FHIT: variants seen among roughly 807,000 people sequenced by gnomAD.
FHIT encodes bis(5'-adenosyl)-triphosphatase.
A neutral mutation model predicts 17.9 loss-of-function variants in FHIT; 19 were observed. The observed-to-expected ratio is 1.06, with a 90% CI of 0.74 to 1.56. FHIT has a LOEUF of 1.56. Among genes scored for constraint, FHIT ranks in the 40% most tolerant of loss-of-function variants. The probability of loss-of-function intolerance (pLI) is 0.00; values close to 1 mark genes in which losing one functional copy is unlikely to be tolerated. For missense variants in FHIT, 248 were observed against 189.2 expected (o/e 1.31, Z -1.82); for synonymous variants, 81 against 69.7 (o/e 1.16, Z -0.81).
intron 7 of FHIT, among the ~76,000 whole-genome samples, chr3:59,926,603 G>GT (rs1405096116): frequency 1.3e-5 from 2 of 152,188 alleles, no homozygotes; most frequent in Non-Finnish European, 2.9e-5. Context: ...TCAAGAGAGG[G>GT]TAAGTTCCAA....
At chr3:60,462,560 C>T (rs1379414679) in intron 5 of FHIT, among the ~76,000 whole-genome samples, 6 of 152,050 alleles carry the variant, frequency 3.9e-5, no homozygotes, top group South Asian at 4.2e-4. Flanking sequence ...GAGCTGAGAG[C>T]GGAAAGCAGG....
At chr3:60,420,547 T>A (rs530827398) in intron 5 of FHIT, among the ~76,000 whole-genome samples, 22 of 152,268 alleles carry the variant, frequency 1.4e-4, no homozygotes, top group African/African-American at 5.1e-4. Flanking sequence ...TCTAACAGCA[T>A]TGGATGTCAT....
chr3:60,083,382 A>T (rs1217385587), intron 5 of FHIT, among the ~76,000 whole-genome samples: 1 of 152,058 alleles, frequency 6.6e-6, no homozygotes, highest in African/African-American at 2.4e-5. Flanking sequence ...TTGAAGTCAG[A>T]TAACATGATA....
chr3:60,921,478 T>A (rs1405377602), intron 3 of FHIT, among the ~76,000 whole-genome samples: 1 of 152,208 alleles, frequency 6.6e-6, no homozygotes, highest in African/African-American at 2.4e-5. Context: ...AATTAAAACT[T>A]CTCTGCTGAG....
intron 8 of FHIT, among the ~76,000 whole-genome samples, chr3:59,788,860 C>T (rs1030654507): frequency 6.5e-5 from 5 of 77,166 alleles, no homozygotes; most frequent in South Asian, 7.9e-4. Context: ...CTCAGAACCA[C>T]GTTCTTTGCT....
chr3:60,793,349 T>C (rs112960669), intron 4 of FHIT, among the ~76,000 whole-genome samples: 2,559 of 151,934 alleles, frequency 0.017, 58 homozygotes, highest in African/African-American at 0.058. Context: ...TCGCCCAGGC[T>C]GGAGTGCAGT....
At chr3:60,556,335 G>A (rs377495320) in intron 4 of FHIT, among the ~76,000 whole-genome samples, 1 of 152,174 alleles carries the variant, frequency 6.6e-6, no homozygotes, top group Non-Finnish European at 1.5e-5. Context: ...AGAAGGAGCT[G>A]GTCCCTCTGA....
At chr3:59,859,622 G>C (rs2106838456) in intron 8 of FHIT, among the ~76,000 whole-genome samples, 1 of 152,348 alleles carries the variant, frequency 6.6e-6, no homozygotes, top group East Asian at 1.9e-4. Flanking sequence ...CAGAGGCTGA[G>C]GCAGGAGAAT....
intron 4 of FHIT, among the ~76,000 whole-genome samples, chr3:60,576,918 G>A (rs2037585858): frequency 6.8e-6 from 1 of 148,096 alleles, no homozygotes; most frequent in African/African-American, 2.5e-5. Flanking sequence ...CATAGCTTCT[G>A]GGTCTAATTA....
At chr3:61,204,236 T>C (rs2039130641) in intron 1 of FHIT, among the ~76,000 whole-genome samples, 1 of 152,140 alleles carries the variant, frequency 6.6e-6, no homozygotes, top group African/African-American at 2.4e-5. Flanking sequence ...GCTATCTTTA[T>C]CTTGAGAGTG....
rs565323580 is a variant in FHIT, at chr3:61,206,041, G to T, written c.-212-5376C>A. On this transcript the variant is annotated intron_variant, in intron 1 of 9. Transcript: ENST00000492590. Reference sequence around the variant, plus strand: ...CAGTTTCAGCTTTCTACATATGGCTGCCAGTTTTCCCAGCACCATTTATTA... The same window carrying T: ...CAGTTTCAGCTTTCTACATATGGCTTCCAGTTTTCCCAGCACCATTTATTA... Among the ~76,000 whole-genome samples the T allele has an allele frequency of 4.9e-5, 3 of 61,812 alleles. 1 individual carries two copies. In the Admixed American group the frequency reaches 5.9e-4, roughly 12 times the overall value. 40.6% of individuals were successfully genotyped at this position (61,812 alleles called of 152,430 possible).
At chr3:60,349,623 C>T (rs1194006790) in intron 5 of FHIT, among the ~76,000 whole-genome samples, 2 of 152,054 alleles carry the variant, frequency 1.3e-5, no homozygotes, top group Non-Finnish European at 2.9e-5. Flanking sequence ...ATACAAGCCT[C>T]CAAAGATAAA....
chr3:60,176,287 G>A (rs1015102059), intron 5 of FHIT, among the ~76,000 whole-genome samples: 3 of 152,160 alleles, frequency 2.0e-5, no homozygotes, highest in African/African-American at 7.2e-5. Flanking sequence ...AGGAGGCAAA[G>A]GTTGCAGAGA....
At chr3:60,359,008 A>G (rs904561141) in intron 5 of FHIT, among the ~76,000 whole-genome samples, 1 of 152,186 alleles carries the variant, frequency 6.6e-6, no homozygotes, top group Non-Finnish European at 1.5e-5. Context: ...AACAGGACAT[A>G]AAACAAAAGC....
At chr3:60,196,729 T>C (rs76473844) in intron 5 of FHIT, among the ~76,000 whole-genome samples, 6,565 of 152,004 alleles carry the variant, frequency 0.043, 186 homozygotes, top group Middle Eastern at 0.14. Flanking sequence ...ATATATAACA[T>C]ATATTACACA....
chr3:60,814,139 T>C (rs1465116363), intron 4 of FHIT, among the ~76,000 whole-genome samples: 1 of 152,218 alleles, frequency 6.6e-6, no homozygotes, highest in Non-Finnish European at 1.5e-5. Context: ...GTAGCTTGCA[T>C]TCATAAAGCC....
At chr3:60,817,701 A>G (rs1166723441) in intron 4 of FHIT, among the ~76,000 whole-genome samples, 2 of 152,096 alleles carry the variant, frequency 1.3e-5, no homozygotes, top group African/African-American at 2.4e-5. Flanking sequence ...CAGTTGGAAT[A>G]TGATGTACCT....
chr3:60,371,051 C>A (rs1308203005), intron 5 of FHIT, among the ~76,000 whole-genome samples: 1 of 152,182 alleles, frequency 6.6e-6, no homozygotes, highest in Non-Finnish European at 1.5e-5. Context: ...GCAAACCATC[C>A]ACATGCTCAT....
At chr3:59,763,973 T>C (rs543265721) in intron 8 of FHIT, among the ~76,000 whole-genome samples, 26 of 152,170 alleles carry the variant, frequency 1.7e-4, no homozygotes, top group Non-Finnish European at 3.4e-4. Flanking sequence ...TACTTTGTGC[T>C]AGGCGCAGAA....
Sources: allele counts gnomAD v4.1 joint callset (sites outside exome capture counted in the v4.1 genomes callset), GRCh38; gene constraint gnomAD v4.1.1; transcripts MANE v1.5; gene names NCBI Gene and HGNC (gene_info 2026-07-23, HGNC 2026-07-21).